The following PDE10A variants were observed in gnomAD, a reference collection of about 807,000 sequenced individuals.
The protein encoded by PDE10A is phosphodiesterase 10A.
Under a neutral mutation model 97.7 loss-of-function variants are expected in PDE10A, and 39 were observed. The observed-to-expected ratio is 0.40, with a 90% confidence interval of 0.31 to 0.52. The LOEUF is 0.52. Ranked by LOEUF, PDE10A falls within the 20% of genes least tolerant of loss-of-function variation. The pLI, the probability that PDE10A is intolerant of heterozygous loss-of-function variation, is 0.56. For synonymous variants in PDE10A, 371 were observed against 376.8 expected, an observed-to-expected ratio of 0.98 and a Z score of 0.18; for missense variants, 731 against 1,047.8, an observed-to-expected ratio of 0.70 and a Z score of 4.17.
At chr6:165,634,069 C>T (rs1487197430) in intron 1 of PDE10A, among the ~76,000 whole-genome samples, 2 of 152,096 alleles carry the variant, frequency 1.3e-5, no homozygotes, top group South Asian at 2.1e-4. Context: ...AATCACCTCG[C>T]GATGACTGAC....
chr6:165,713,104 C>G (rs1791942400), intron 1 of PDE10A, among the ~76,000 whole-genome samples: 1 of 152,218 alleles, frequency 6.6e-6, no homozygotes, highest in Admixed American at 6.5e-5. Flanking sequence ...CACGTGAACT[C>G]AAAGTCAGCG....
intron 7 of PDE10A, among the ~76,000 whole-genome samples, chr6:165,431,735 C>T (rs1388953906): frequency 1.3e-5 from 2 of 151,386 alleles, no homozygotes; most frequent in African/African-American, 2.4e-5. Flanking sequence ...ATTTTCCAAA[C>T]ACAAAGCACC....
intron 10 of PDE10A, among the ~76,000 whole-genome samples, chr6:165,427,135 C>G (rs1789223209): frequency 6.6e-6 from 1 of 152,056 alleles, no homozygotes; most frequent in Admixed American, 6.5e-5. Context: ...CAATGGAAAA[C>G]AGGCATTCAA....
intron 3 of PDE10A, among the ~76,000 whole-genome samples, chr6:165,470,815 T>G (rs1358587958): frequency 6.6e-6 from 1 of 152,152 alleles, no homozygotes; most frequent in East Asian, 1.9e-4. Context: ...CATCCTCCCC[T>G]CTCTGTCCCA....
intron 5 of PDE10A, among the ~76,000 whole-genome samples, chr6:165,442,294 T>TC (rs1266955355): frequency 2.0e-5 from 3 of 151,342 alleles, no homozygotes; most frequent in Admixed American, 1.3e-4. Flanking sequence ...CCCTCCCCGC[T>TC]CCCCCCACCC....
At chr6:165,734,566 G>A (rs1482255488) in intron 1 of PDE10A, among the ~76,000 whole-genome samples, 3 of 152,072 alleles carry the variant, frequency 2.0e-5, no homozygotes, top group African/African-American at 7.2e-5. Flanking sequence ...ACAGTTTCTA[G>A]AAATAAAAAT....
intron 1 of PDE10A, among the ~76,000 whole-genome samples, chr6:165,975,425 C>A (rs762836270): frequency 6.6e-6 from 1 of 152,128 alleles, no homozygotes. Context: ...GGCAACATAG[C>A]GAGACCTCAT....
chr6:165,891,254 G>A (rs927765414), intron 1 of PDE10A, among the ~76,000 whole-genome samples: 2 of 152,134 alleles, frequency 1.3e-5, no homozygotes, highest in Non-Finnish European at 2.9e-5. Context: ...ATCTCATTTG[G>A]GATTTGCTGG....
intron 1 of PDE10A, among the ~76,000 whole-genome samples, chr6:165,707,736 AGTGT>A (rs1353706961): frequency 6.6e-6 from 1 of 151,396 alleles, no homozygotes; most frequent in South Asian, 2.1e-4. Flanking sequence ...TGTATGTGTG[AGTGT>A]GTGTGGGAGA....
chr6:165,707,032 A>G (rs2128444976), intron 1 of PDE10A, among the ~76,000 whole-genome samples: 1 of 152,350 alleles, frequency 6.6e-6, no homozygotes, highest in African/African-American at 2.4e-5. Flanking sequence ...ATTATAATCC[A>G]AAAGTTTGTT....
At chr6:165,536,239 C>A (rs1023216112) in intron 2 of PDE10A, among the ~76,000 whole-genome samples, 1 of 151,880 alleles carries the variant, frequency 6.6e-6, no homozygotes, top group African/African-American at 2.4e-5. Context: ...TCTTCTGGTG[C>A]TGGGAAAACT....
intron 2 of PDE10A, among the ~76,000 whole-genome samples, chr6:165,486,249 A>G (rs983136413): frequency 6.6e-6 from 1 of 152,224 alleles, no homozygotes; most frequent in African/African-American, 2.4e-5. Context: ...TTTTGTTGCC[A>G]ACGAACACCA....
intron 1 of PDE10A, among the ~76,000 whole-genome samples, chr6:165,836,572 G>A (rs958149438): frequency 6.0e-4 from 91 of 152,174 alleles, no homozygotes; most frequent in Admixed American, 5.6e-3. Context: ...CTATGTACCA[G>A]GTTGTCTTCC....
chr6:165,643,153 T>C (rs1056430955), intron 1 of PDE10A, among the ~76,000 whole-genome samples: 3 of 152,072 alleles, frequency 2.0e-5, no homozygotes, highest in African/African-American at 7.2e-5. Context: ...AGTTCTAAGA[T>C]AGATGGGAGG....
intron 2 of PDE10A, among the ~76,000 whole-genome samples, chr6:165,499,288 T>A (rs1780730958): frequency 2.0e-5 from 3 of 152,158 alleles, no homozygotes; most frequent in Admixed American, 2.0e-4. Flanking sequence ...CAAGTACACT[T>A]ACATCTCCAG....
upstream of PDE10A, among the ~76,000 whole-genome samples, chr6:165,664,067 G>C (rs1323939925): frequency 6.6e-6 from 1 of 152,184 alleles, no homozygotes; most frequent in Non-Finnish European, 1.5e-5. Flanking sequence ...GCTGTTCCAC[G>C]GTGGCACGGG....
At chr6:165,675,283 A>G (rs1226433936) in intron 1 of PDE10A, among the ~76,000 whole-genome samples, 1 of 152,214 alleles carries the variant, frequency 6.6e-6, no homozygotes, top group African/African-American at 2.4e-5. Flanking sequence ...ACCAAACCAT[A>G]AAATTTTACA....
At chr6:165,702,058 T>A (rs1413791677) in intron 1 of PDE10A, among the ~76,000 whole-genome samples, 1 of 152,020 alleles carries the variant, frequency 6.6e-6, no homozygotes, top group Non-Finnish European at 1.5e-5. Context: ...CAGGGCCAGG[T>A]CAGCTATGTT....
chr6:165,660,042 A>C (rs1403090429), intron 1 of PDE10A: 1 of 152,096 alleles, frequency 6.6e-6, no homozygotes, highest in Non-Finnish European at 1.5e-5. Flanking sequence ...GCGTTCTTCA[A>C]CCCCTTCCCC....
Sources: gnomAD v4.1 joint callset for allele counts (sites outside exome capture counted in the v4.1 genomes callset) on GRCh38, gnomAD v4.1.1 for gene constraint, MANE v1.5 for transcripts, NCBI Gene and HGNC (gene_info 2026-07-23, HGNC 2026-07-21) for gene names.